Variants in SF3B3 observed in about 807,000 individuals in gnomAD.
SF3B3 encodes splicing factor 3b subunit 3, also known as SAP 130.
Under a neutral mutation model 139.2 loss-of-function variants are expected in SF3B3, and 33 were observed. That is an observed-to-expected ratio of 0.24 (90% CI 0.18 to 0.32). SF3B3 has a LOEUF of 0.32. SF3B3 is among the 10% of genes least tolerant of loss of function. The pLI is 1.00. For missense variants in SF3B3, 818 were observed against 1,509.4 expected (o/e 0.54, Z 7.59); for synonymous variants, 596 against 563.6 (o/e 1.06, Z -0.81).
At chr16:70,525,855 G>T (rs989104218) in intron 1 of SF3B3, among the ~76,000 whole-genome samples, 32 of 151,074 alleles carry the variant, frequency 2.1e-4, no homozygotes, top group African/African-American at 7.6e-4. Flanking sequence ...CAGCTACTCG[G>T]GAGCCTGAGG....
chr16:70,562,897 T>G (rs1022808703), intron 17 of SF3B3, among the ~76,000 whole-genome samples: 1 of 152,172 alleles, frequency 6.6e-6, no homozygotes, highest in African/African-American at 2.4e-5. Flanking sequence ...GGTGTGATCA[T>G]GGCTCACTGC....
At chr16:70,555,289 A>T in intron 13 of SF3B3, 83 bp downstream of exon 13, 1 of 1,292,586 alleles carries the variant, frequency 7.7e-7, no homozygotes, top group Non-Finnish European at 1.1e-6. Context: ...CATTTAGATG[A>T]TAGTATGGTG....
rs1248259282 is a variant in SF3B3 at position 70,577,416 on chromosome 16, C to G, written c.*5603C>G. On this transcript the variant is annotated 3_prime_UTR_variant, in exon 26 of 26. Transcript: ENST00000302516. ...CCACTCTGCCCTCCCACTAGCTGCC[C>G]AACGGATGAATCAACGCCTTGGCAG... The G allele has an allele frequency of 6.6e-6, 1 of 152,400 alleles. No homozygotes were observed. Among genetic ancestry groups the G allele is most frequent in the East Asian group, 1.9e-4 (1 of 5,198 alleles). 9.4% of individuals were successfully genotyped at this position (152,400 alleles called of 1,614,324 possible). A position where few individuals can be genotyped will look rare whatever the true frequency, so the allele number is the denominator to read the frequency against.
intron 5 of SF3B3, among the ~76,000 whole-genome samples, chr16:70,534,868 C>T (rs575610796): frequency 2.6e-5 from 4 of 152,186 alleles, no homozygotes; most frequent in South Asian, 2.1e-4. Flanking sequence ...GGGATTTCAC[C>T]GTGTTGGCCA....
chr16:70,527,524 G>C (rs1185892458), intron 2 of SF3B3, among the ~76,000 whole-genome samples: 1 of 152,174 alleles, frequency 6.6e-6, no homozygotes, highest in Non-Finnish European at 1.5e-5. Context: ...TGACCACACA[G>C]CATTCATATT....
chr16:70,545,298 G>C (rs1037907970), intron 10 of SF3B3, among the ~76,000 whole-genome samples: 1 of 152,190 alleles, frequency 6.6e-6, no homozygotes, highest in Admixed American at 6.5e-5. Flanking sequence ...ACCTCCTGGG[G>C]TCAAGCAATC....
In SF3B3 at chr16:70,544,497, C is replaced by T; in HGVS notation, c.1293C>T (p.Pro431=). Residue 431 remains proline (P), a synonymous_variant, in exon 10 of 26, where the codon CCC becomes CCT. Transcript: ENST00000302516. ...TGTATGTGGCCTGTGGTAGGGGACC[C>T]CGATCATCTCTGAGAGTCCTAAGAC... ...PQLYVACGRG[P]RSSLRVLRHG... The T allele has an allele frequency of 6.2e-7, 1 of 1,611,990 alleles. No individual in the cohort carries two copies.
At chr16:70,532,741 T>C (rs1379617234) in intron 5 of SF3B3, 121 bp downstream of exon 5, 4 of 981,076 alleles carry the variant, frequency 4.1e-6, no homozygotes, top group Non-Finnish European at 6.2e-6. Context: ...GAATACCTTA[T>C]CTTTTGGACA....
chr16:70,554,379 G>C (rs2050360057), intron 11 of SF3B3, 67 bp from the exon 12 acceptor site: 1 of 1,476,144 alleles, frequency 6.8e-7, no homozygotes, highest in African/African-American at 1.4e-5. Context: ...AGAACTCTTA[G>C]TGTTTCATTT....
intron 8 of SF3B3, among the ~76,000 whole-genome samples, chr16:70,541,245 G>C (rs916506220): frequency 1.3e-5 from 2 of 152,124 alleles, no homozygotes; most frequent in African/African-American, 4.8e-5. Context: ...TGTATCTTTG[G>C]AGAAATGTCT....
At chr16:70,564,159 C>G in intron 18 of SF3B3, 109 bp downstream of exon 18, 1 of 1,144,962 alleles carries the variant, frequency 8.7e-7, no homozygotes, top group South Asian at 1.5e-5. Context: ...TTGCTTGAGG[C>G]CACTAGTTCG....
At chr16:70,567,558 C>T in intron 21 of SF3B3, 22 bp downstream of exon 21, 1 of 1,609,156 alleles carries the variant, frequency 6.2e-7, no homozygotes, top group Admixed American at 1.7e-5. Context: ...GGCATTGGTG[C>T]TGAGATCTAG....
In SF3B3 at chr16:70,575,931, C is replaced by CAT. The variant is rs1331130971; in HGVS notation, c.*4119_*4120insTA. ...AGAACAGATTCCTGGGGTCTGCTCC[C>CAT]AATTATTCACACGGTGGTTCATGCC... is the stretch of plus-strand genomic sequence containing the variant. On this transcript the variant is annotated 3_prime_UTR_variant, in exon 26 of 26. Coordinates refer to ENST00000302516, the MANE Select transcript of SF3B3 (RefSeq NM_012426.5). 6.6e-6 allele frequency: 1 copy of CAT among 152,180 alleles called. No individual in the cohort carries two copies. The highest frequency in any genetic ancestry group is 1.9e-4 in the East Asian group (1 of 5,200). 9.4% of individuals were successfully genotyped at this position (152,180 alleles called of 1,614,324 possible).
Position 70,544,422 on chromosome 16 carries a change from CTT to C in SF3B3, c.1234-12_1234-11del, listed in dbSNP as rs1567415433. On this transcript the variant is annotated splice_polypyrimidine_tract_variant and intron_variant, in intron 9 of 25. Transcript: ENST00000302516. ...GCACTGGAGACATTTTTTCCTCTAA[CTT>C]TTTCTCTGTGCAGATAGCTGATCTG... 3.2e-6 allele frequency: 5 copies of C among 1,555,386 alleles called. No individual in the cohort carries two copies. In the Admixed American group the frequency reaches 8.6e-5, roughly 27 times the overall value.
At position 70,544,328 on chromosome 16, in the gene SF3B3, G is replaced by T. The variant is rs1046435309; in HGVS notation, c.1234-110G>T. On this transcript the variant is annotated intron_variant, in intron 9 of 25. Transcript: ENST00000302516. ...TTCACCTCTTTTCACATATTGATCA[G>T]CAGATAATTGTATTGGAAAGCAGCT... is the stretch of plus-strand genomic sequence containing the variant. The T allele has an allele frequency of 2.5e-5, 17 of 680,718 alleles. No homozygotes were observed. The South Asian group carries it at 3.0e-4, about 12-fold the overall frequency. 42.2% of individuals were successfully genotyped at this position (680,718 alleles called of 1,614,324 possible). A position where few individuals can be genotyped will look rare whatever the true frequency, so the allele number is the denominator to read the frequency against.
chr16:70,540,732 TAAA>T (rs943125073), intron 8 of SF3B3, among the ~76,000 whole-genome samples: 2 of 146,712 alleles, frequency 1.4e-5, no homozygotes, highest in Non-Finnish European at 3.0e-5. Context: ...AATTCATGTT[TAAA>T]AAAAAAAAGA....
chr16:70,558,331 G>T (rs1462035113), intron 15 of SF3B3, among the ~76,000 whole-genome samples: 1 of 151,418 alleles, frequency 6.6e-6, no homozygotes, highest in African/African-American at 2.4e-5. Context: ...GCTCAGACTG[G>T]TCTTGAACTC....
chr16:70,551,008 G>A (rs1475974853), intron 11 of SF3B3, among the ~76,000 whole-genome samples: 3 of 152,202 alleles, frequency 2.0e-5, no homozygotes, highest in South Asian at 2.1e-4. Flanking sequence ...GATCAGGACC[G>A]AGAGAAAGCT....
chr16:70,561,522 A>G (rs993751522), intron 16 of SF3B3, 108 bp from the exon 17 acceptor site: 2 of 877,716 alleles, frequency 2.3e-6, no homozygotes, highest in Non-Finnish European at 3.6e-6. Flanking sequence ...AGAATATCTT[A>G]GGATACTCTG....
Sources: allele counts gnomAD v4.1 joint callset (sites outside exome capture counted in the v4.1 genomes callset), GRCh38; gene constraint gnomAD v4.1.1; transcripts MANE v1.5; gene names NCBI Gene and HGNC (gene_info 2026-07-23, HGNC 2026-07-21).